ANKS1B: variants seen among roughly 807,000 people sequenced by gnomAD.
ANKS1B encodes ankyrin repeat and sterile alpha motif domain containing 1B, also known as ankyrin repeat and sterile alpha motif domain-containing protein 1B.
In ANKS1B, 36 loss-of-function variants were observed where a neutral mutation model predicts 148.3. The ratio of observed to expected loss-of-function variants is 0.24; its 90% CI spans 0.19 to 0.32. The LOEUF is 0.32. Ranked by LOEUF, ANKS1B falls within the 10% of genes least tolerant of loss-of-function variation. ANKS1B has a pLI of 1.00. For missense variants in ANKS1B, 1,157 were observed against 1,542.6 expected (o/e 0.75, Z 4.19); for synonymous variants, 542 against 560.8 (o/e 0.97, Z 0.47).
At chr12:99,422,910 T>TA (rs1439688289) in intron 11 of ANKS1B, among the ~76,000 whole-genome samples, 1 of 152,146 alleles carries the variant, frequency 6.6e-6, no homozygotes, top group African/African-American at 2.4e-5. Context: ...GTGAAAAGTT[T>TA]GATGTTTAGA....
At chr12:99,692,089 T>C (rs905594959) in intron 8 of ANKS1B, among the ~76,000 whole-genome samples, 1 of 152,194 alleles carries the variant, frequency 6.6e-6, no homozygotes, top group African/African-American at 2.4e-5. Flanking sequence ...GGAAGTTTTT[T>C]ATAATTTTGC....
chr12:98,977,547 T>G (rs1347203113), intron 17 of ANKS1B, among the ~76,000 whole-genome samples: 1 of 152,200 alleles, frequency 6.6e-6, no homozygotes, highest in Non-Finnish European at 1.5e-5. Context: ...CTAGAAGATG[T>G]GATCATCAAA....
chr12:99,222,850 T>A (rs2085335233), intron 14 of ANKS1B, among the ~76,000 whole-genome samples: 1 of 152,162 alleles, frequency 6.6e-6, no homozygotes, highest in African/African-American at 2.4e-5. Context: ...ACACTGGAAA[T>A]TCAAAGTCTG....
chr12:98,982,462 C>A (rs1597998169), intron 17 of ANKS1B, among the ~76,000 whole-genome samples: 1 of 152,154 alleles, frequency 6.6e-6, no homozygotes, highest in African/African-American at 2.4e-5. Context: ...CTGGGTACCC[C>A]CTCCTGATCC....
chr12:99,902,912 G>A (rs561397892), intron 1 of ANKS1B, among the ~76,000 whole-genome samples: 3 of 100,666 alleles, frequency 3.0e-5, no homozygotes, highest in Admixed American at 9.1e-5. Context: ...CACCACGCCC[G>A]GCTAATTGTT....
chr12:99,566,267 T>G (rs1427904660), intron 9 of ANKS1B, among the ~76,000 whole-genome samples: 1 of 152,226 alleles, frequency 6.6e-6, no homozygotes, highest in South Asian at 2.1e-4. Flanking sequence ...CAGTAGCAAC[T>G]TCAATACTTT....
chr12:99,157,240 G>C (rs1055213997), intron 14 of ANKS1B, among the ~76,000 whole-genome samples: 2 of 152,176 alleles, frequency 1.3e-5, no homozygotes, highest in African/African-American at 4.8e-5. Flanking sequence ...GCTGTTACAA[G>C]GTGGAAGAAA....
chr12:99,282,148 C>A (rs1029869834), intron 12 of ANKS1B, among the ~76,000 whole-genome samples: 2 of 152,108 alleles, frequency 1.3e-5, no homozygotes, highest in Non-Finnish European at 2.9e-5. Flanking sequence ...AGGAAAGCAT[C>A]TTTGATAAAG....
chr12:99,487,245 T>C (rs537982168), intron 10 of ANKS1B, among the ~76,000 whole-genome samples: 19 of 152,182 alleles, frequency 1.2e-4, no homozygotes, highest in Non-Finnish European at 2.2e-4. Context: ...CTATTATGAA[T>C]GTTGTTGAAG....
intron 19 of ANKS1B, among the ~76,000 whole-genome samples, chr12:98,811,000 T>C (rs2099090883): frequency 6.6e-6 from 1 of 152,174 alleles, no homozygotes; most frequent in Non-Finnish European, 1.5e-5. Flanking sequence ...ACCTACTTCA[T>C]GTGTTTAGTT....
At chr12:99,093,136 A>T (rs1325236173) in intron 15 of ANKS1B, among the ~76,000 whole-genome samples, 1 of 152,196 alleles carries the variant, frequency 6.6e-6, no homozygotes, top group East Asian at 1.9e-4. Flanking sequence ...CTATTTTCAC[A>T]CACACAAGCT....
At chr12:99,744,530 A>G (rs2060407929) in intron 8 of ANKS1B, among the ~76,000 whole-genome samples, 3 of 152,214 alleles carry the variant, frequency 2.0e-5, no homozygotes, top group Admixed American at 2.0e-4. Flanking sequence ...TCAAGCAAAT[A>G]TAACACTACA....
At chr12:99,382,505 C>G (rs1415769727) in intron 12 of ANKS1B, among the ~76,000 whole-genome samples, 1 of 151,934 alleles carries the variant, frequency 6.6e-6, no homozygotes, top group Non-Finnish European at 1.5e-5. Context: ...GAATTCGAGA[C>G]CAGTCAACAT....
intron 12 of ANKS1B, among the ~76,000 whole-genome samples, chr12:99,334,773 A>T (rs886707110): frequency 3.3e-5 from 5 of 151,992 alleles, no homozygotes; most frequent in East Asian, 1.9e-4. Context: ...AAAAGCATAA[A>T]TTTTTTCTTC....
intron 2 of ANKS1B, among the ~76,000 whole-genome samples, chr12:99,813,147 C>G (rs1479349307): frequency 1.3e-5 from 2 of 151,504 alleles, no homozygotes; most frequent in African/African-American, 2.4e-5. Flanking sequence ...TTCAATATAT[C>G]CTACCTCAAA....
intron 14 of ANKS1B, among the ~76,000 whole-genome samples, chr12:99,166,522 C>A (rs1232061093): frequency 6.6e-6 from 1 of 151,848 alleles, no homozygotes; most frequent in Non-Finnish European, 1.5e-5. Flanking sequence ...ACATAATTTA[C>A]AACAGCACCA....
intron 8 of ANKS1B, among the ~76,000 whole-genome samples, chr12:99,683,131 A>G (rs1398029443): frequency 6.6e-6 from 1 of 152,100 alleles, no homozygotes; most frequent in African/African-American, 2.4e-5. Flanking sequence ...AACTGCCCCC[A>G]TTATTCAATT....
intron 12 of ANKS1B, among the ~76,000 whole-genome samples, chr12:99,331,974 C>T (rs1453395294): frequency 6.6e-6 from 1 of 151,934 alleles, no homozygotes; most frequent in African/African-American, 2.4e-5. Flanking sequence ...CTAACACTGC[C>T]TCAAAAAAGC....
chr12:99,907,970 T>C (rs1391083235), intron 1 of ANKS1B, among the ~76,000 whole-genome samples: 1 of 152,084 alleles, frequency 6.6e-6, no homozygotes, highest in Non-Finnish European at 1.5e-5. Context: ...AGAGCAAATG[T>C]AGTGGTGTGG....
Sources: gnomAD v4.1 joint callset for allele counts (sites outside exome capture counted in the v4.1 genomes callset) on GRCh38, gnomAD v4.1.1 for gene constraint, MANE v1.5 for transcripts, NCBI Gene and HGNC (gene_info 2026-07-23, HGNC 2026-07-21) for gene names.